The following DLG1 variants were observed in gnomAD, a reference collection of about 807,000 sequenced individuals.
DLG1 encodes discs large MAGUK scaffold protein 1.
Under a neutral mutation model 123.4 loss-of-function variants are expected in DLG1, and 42 were observed. The ratio of observed to expected loss-of-function variants is 0.34; its 90% CI spans 0.27 to 0.44. The LOEUF is 0.44. Among genes scored for constraint, DLG1 ranks in the 20% least tolerant of loss-of-function variants. DLG1 has a pLI of 1.00. For synonymous variants in DLG1, 317 were observed against 356.2 expected, an observed-to-expected ratio of 0.89 and a Z score of 1.24; for missense variants, 942 against 1,082.6, an observed-to-expected ratio of 0.87 and a Z score of 1.82.
At chr3:197,214,945 A>G (rs936012860) in intron 4 of DLG1, among the ~76,000 whole-genome samples, 1 of 152,216 alleles carries the variant, frequency 6.6e-6, no homozygotes, top group Non-Finnish European at 1.5e-5. Context: ...CAAATGCCCA[A>G]TAATACCTAG....
intron 14 of DLG1, among the ~76,000 whole-genome samples, chr3:197,101,468 C>T (rs1430419324): frequency 6.6e-6 from 1 of 151,436 alleles, no homozygotes; most frequent in Non-Finnish European, 1.5e-5. Flanking sequence ...TCACTGCAAG[C>T]TCGGCCTCCC....
At chr3:197,253,372 T>C (rs1755367899) in intron 4 of DLG1, among the ~76,000 whole-genome samples, 1 of 151,942 alleles carries the variant, frequency 6.6e-6, no homozygotes, top group Admixed American at 6.6e-5. Context: ...TCGATGACAA[T>C]GACTAAAATA....
At chr3:197,095,286 C>A (rs1467856824) in intron 14 of DLG1, among the ~76,000 whole-genome samples, 1 of 152,148 alleles carries the variant, frequency 6.6e-6, no homozygotes, top group African/African-American at 2.4e-5. Context: ...TACATTACTA[C>A]CATCTAATGC....
At chr3:197,096,164 TTA>T (rs1170236793) in intron 14 of DLG1, among the ~76,000 whole-genome samples, 1 of 152,188 alleles carries the variant, frequency 6.6e-6, no homozygotes, top group African/African-American at 2.4e-5. Context: ...ACGTAGATAT[TTA>T]TGTTTACATC....
chr3:197,131,870 G>C (rs1374017441), intron 10 of DLG1, among the ~76,000 whole-genome samples: 1 of 151,968 alleles, frequency 6.6e-6, no homozygotes, highest in Non-Finnish European at 1.5e-5. Context: ...TGGGATTACA[G>C]GCGTGAGCCA....
chr3:197,258,177 C>T (rs1177162480), intron 4 of DLG1, among the ~76,000 whole-genome samples: 2 of 152,130 alleles, frequency 1.3e-5, no homozygotes, highest in African/African-American at 4.8e-5. Context: ...AAGAGAAGTA[C>T]ATTTTCATTT....
chr3:197,243,181 C>A (rs947626017), intron 4 of DLG1, among the ~76,000 whole-genome samples: 4 of 152,104 alleles, frequency 2.6e-5, no homozygotes, highest in African/African-American at 7.2e-5. Flanking sequence ...AAACTGATTC[C>A]GACTGACTAG....
intron 11 of DLG1, among the ~76,000 whole-genome samples, chr3:197,128,272 C>T (rs909819270): frequency 2.0e-5 from 3 of 152,232 alleles, no homozygotes; most frequent in African/African-American, 7.2e-5. Context: ...TTCACATCAT[C>T]TTCACCTACC....
At position 197,140,269 on chromosome 3, in the gene DLG1, G is replaced by T; in HGVS notation, c.589-5C>A. 6.2e-7 allele frequency: 1 copy of T among 1,608,570 alleles called. No homozygotes were observed. Among genetic ancestry groups the T allele is most frequent in the African/African-American group, 1.3e-5 (1 of 74,610 alleles). On this transcript the variant is annotated splice_polypyrimidine_tract_variant and splice_region_variant and intron_variant, in intron 7 of 24. Coordinates refer to ENST00000667157, the MANE Select transcript of DLG1 (RefSeq NM_001366207.1). The stretch of plus-strand genomic sequence containing the variant: ...GAAACCAAGCCCTGAATTTCCCTGA[G>T]GATAGAAGAAAAAAAATTGAGACTG...
chr3:197,214,198 T>C (rs1045195918), intron 4 of DLG1, among the ~76,000 whole-genome samples: 1 of 152,038 alleles, frequency 6.6e-6, no homozygotes, highest in Non-Finnish European at 1.5e-5. Flanking sequence ...TAAAAAAAAA[T>C]ACCTATTAGA....
intron 4 of DLG1, among the ~76,000 whole-genome samples, chr3:197,245,350 A>G (rs151065890): frequency 1.7e-3 from 257 of 152,308 alleles, no homozygotes; most frequent in African/African-American, 5.9e-3. Context: ...CCCAGTGAGT[A>G]AGGTGATCTA....
At chr3:197,078,128 A>C (rs1748478765) in intron 17 of DLG1, among the ~76,000 whole-genome samples, 1 of 139,460 alleles carries the variant, frequency 7.2e-6, no homozygotes, top group African/African-American at 2.7e-5. Context: ...CCTAGGCAAC[A>C]TGGCGAAACC....
At chr3:197,229,197 A>G (rs946486764) in intron 4 of DLG1, among the ~76,000 whole-genome samples, 4 of 152,188 alleles carry the variant, frequency 2.6e-5, no homozygotes, top group African/African-American at 9.7e-5. Flanking sequence ...ATTCTAATTT[A>G]GGGGAATGCA....
chr3:197,083,794 C>CAAACAAAAACAA (rs3051913), intron 16 of DLG1, among the ~76,000 whole-genome samples: 20,662 of 149,326 alleles, frequency 0.14, 1,538 homozygotes, highest in Middle Eastern at 0.16. Context: ...CCCATCTCCA[C>CAAACAAAAACAA]AAACAAAAAC....
At chr3:197,297,965 A>C (rs1778334596) in intron 1 of DLG1, 3 of 975,336 alleles carry the variant, frequency 3.1e-6, no homozygotes, top group African/African-American at 1.8e-5. Context: ...GGGCCGCCGC[A>C]CCCCCGCGGC....
intron 14 of DLG1, among the ~76,000 whole-genome samples, chr3:197,091,575 C>A (rs1254327592): frequency 1.3e-5 from 2 of 151,624 alleles, no homozygotes; most frequent in Non-Finnish European, 2.9e-5. Context: ...TATAAATTAT[C>A]AAAATTCAAG....
intron 5 of DLG1, chr3:197,161,644 G>C (rs1373068965): frequency 2.0e-6 from 3 of 1,490,228 alleles, no homozygotes; most frequent in Non-Finnish European, 2.7e-6. Context: ...AAAAACCTGT[G>C]GTATGGTGGG....
intron 4 of DLG1, among the ~76,000 whole-genome samples, chr3:197,243,896 G>A (rs570013537): frequency 1.3e-5 from 2 of 152,292 alleles, no homozygotes; most frequent in Non-Finnish European, 2.9e-5. Flanking sequence ...AAGGACCCAC[G>A]AGGGACATCT....
At chr3:197,100,336 G>A (rs977656018) in intron 14 of DLG1, among the ~76,000 whole-genome samples, 1 of 152,164 alleles carries the variant, frequency 6.6e-6, no homozygotes, top group Non-Finnish European at 1.5e-5. Context: ...GCTTTGAAGC[G>A]CAGAAAAGTT....
Sources: allele counts gnomAD v4.1 joint callset (sites outside exome capture counted in the v4.1 genomes callset), GRCh38; gene constraint gnomAD v4.1.1; transcripts MANE v1.5; gene names NCBI Gene and HGNC (gene_info 2026-07-23, HGNC 2026-07-21).